PDE4D: variants seen among roughly 807,000 people sequenced by gnomAD.
PDE4D encodes phosphodiesterase 4D.
In PDE4D, 24 loss-of-function variants were observed where a neutral mutation model predicts 87.4. The ratio of observed to expected loss-of-function variants is 0.27; its 90% confidence interval spans 0.20 to 0.39. The LOEUF (loss-of-function observed/expected upper bound fraction) is 0.39, where lower values mean the gene tolerates loss of function less well. Among genes scored for constraint, PDE4D ranks in the 10% least tolerant of loss-of-function variants. The pLI is 1.00. For missense variants in PDE4D, 714 were observed against 1,041.0 expected (o/e 0.69, Z 4.32); for synonymous variants, 384 against 383.2 (o/e 1.00, Z -0.02).
intron 2 of PDE4D, among the ~76,000 whole-genome samples, chr5:60,001,496 A>G (rs1264913431): frequency 6.6e-6 from 1 of 152,094 alleles, no homozygotes; most frequent in African/African-American, 2.4e-5. Flanking sequence ...AGAAATACTA[A>G]TGTGATTCTT....
chr5:59,877,226 T>C lies in PDE4D; in HGVS notation c.455+15942A>G, dbSNP rs561687441. Among the ~76,000 whole-genome samples the C allele has an allele frequency of 5.9e-5, 9 of 152,112 alleles. No individual in the cohort carries two copies. The South Asian group carries it at 1.9e-3, about 31-fold the overall frequency. ...CTGTTTTGTTTTGCCTGCATGTTCG[T>C]TTGGTTGTTTGTAAGAGGTATATCA... On this transcript the variant is annotated intron_variant, in intron 1 of 14. Coordinates refer to ENST00000340635, the MANE Select transcript of PDE4D (RefSeq NM_001104631.2).
chr5:59,575,840 T>G (rs2153698092), intron 1 of PDE4D, among the ~76,000 whole-genome samples: 1 of 152,212 alleles, frequency 6.6e-6, no homozygotes, highest in East Asian at 1.9e-4. Context: ...CCATCCTGTA[T>G]AAGGTAGGCA....
chr5:60,067,056 C>A (rs1255700473), intron 2 of PDE4D, among the ~76,000 whole-genome samples: 1 of 152,110 alleles, frequency 6.6e-6, no homozygotes, highest in Non-Finnish European at 1.5e-5. Context: ...AAGATAGCAT[C>A]TCTGTCCTCT....
At chr5:58,992,786 T>G (rs1299889851) in intron 7 of PDE4D, among the ~76,000 whole-genome samples, 1 of 152,194 alleles carries the variant, frequency 6.6e-6, no homozygotes, top group Non-Finnish European at 1.5e-5. Flanking sequence ...TAACTATATA[T>G]AACAGCAATT....
intron 1 of PDE4D, among the ~76,000 whole-genome samples, chr5:59,559,112 T>A (rs1287378288): frequency 6.6e-6 from 1 of 152,206 alleles, no homozygotes; most frequent in Non-Finnish European, 1.5e-5. Context: ...AACTGCTTAA[T>A]ATCATTTACT....
At chr5:59,281,652 T>A (rs762993635) in intron 1 of PDE4D, among the ~76,000 whole-genome samples, 12 of 152,168 alleles carry the variant, frequency 7.9e-5, no homozygotes, top group South Asian at 2.1e-4. Flanking sequence ...ATTATCTCCA[T>A]CCATCTCCAG....
At chr5:59,789,054 G>GA (rs1765492499) in intron 1 of PDE4D, among the ~76,000 whole-genome samples, 1 of 152,136 alleles carries the variant, frequency 6.6e-6, no homozygotes, top group Admixed American at 6.6e-5. Flanking sequence ...AGCTTGGTTA[G>GA]GATTTGCCTG....
intron 2 of PDE4D, among the ~76,000 whole-genome samples, chr5:60,074,305 G>T (rs1424103730): frequency 2.0e-5 from 3 of 152,080 alleles, no homozygotes; most frequent in Non-Finnish European, 4.4e-5. Context: ...TCAAAAGTGG[G>T]TTGTTTAGTT....
At chr5:59,129,952 AACTC>A (rs1776042758) in intron 5 of PDE4D, among the ~76,000 whole-genome samples, 1 of 152,218 alleles carries the variant, frequency 6.6e-6, no homozygotes, top group Non-Finnish European at 1.5e-5. Flanking sequence ...ACATAGGAGA[AACTC>A]AATCAAGGAT....
At chr5:60,091,912 A>G (rs1221276041) in intron 2 of PDE4D, among the ~76,000 whole-genome samples, 11 of 150,988 alleles carry the variant, frequency 7.3e-5, no homozygotes, top group African/African-American at 9.7e-5. Flanking sequence ...TTAGCCGGGC[A>G]TGGTGGCGCG....
At chr5:59,452,791 C>T (rs143148024) in intron 1 of PDE4D, among the ~76,000 whole-genome samples, 59 of 152,324 alleles carry the variant, frequency 3.9e-4, no homozygotes, top group Middle Eastern at 3.4e-3. Flanking sequence ...ACATTCATCA[C>T]ATTTAATGTC....
At chr5:60,262,701 T>C (rs1749777314) in intron 1 of PDE4D, 1 of 152,158 alleles carries the variant, frequency 6.6e-6, no homozygotes, top group Admixed American at 6.5e-5. Flanking sequence ...AAACTAGAAA[T>C]CACTTCATAA....
intron 1 of PDE4D, among the ~76,000 whole-genome samples, chr5:59,605,212 T>G (rs1317064900): frequency 6.6e-6 from 1 of 152,146 alleles, no homozygotes; most frequent in Non-Finnish European, 1.5e-5. Context: ...TGTAACTGAC[T>G]TGCTATTTCC....
chr5:60,266,086 A>AGAT (rs1372985494), intron 1 of PDE4D, among the ~76,000 whole-genome samples: 4 of 152,086 alleles, frequency 2.6e-5, no homozygotes, highest in Non-Finnish European at 4.4e-5. Flanking sequence ...GCAGGAAACT[A>AGAT]GATGCAGCGG....
intron 1 of PDE4D, among the ~76,000 whole-genome samples, chr5:59,813,802 C>T (rs1768655853): frequency 6.6e-6 from 1 of 152,170 alleles, no homozygotes; most frequent in South Asian, 2.1e-4. Flanking sequence ...ATAATCTGTT[C>T]TTACCAGTCT....
intron 2 of PDE4D, among the ~76,000 whole-genome samples, chr5:60,128,325 C>T (rs1470025133): frequency 6.6e-6 from 1 of 152,196 alleles, no homozygotes; most frequent in Non-Finnish European, 1.5e-5. Flanking sequence ...AGTGCAGTAT[C>T]ATCTGACCTT....
intron 6 of PDE4D, among the ~76,000 whole-genome samples, chr5:59,010,996 C>G (rs544135080): frequency 6.6e-6 from 1 of 152,228 alleles, no homozygotes; most frequent in South Asian, 2.1e-4. Flanking sequence ...ATTTGCGGTT[C>G]GGCAGCCTCT....
chr5:60,427,211 C>T (rs1187889968), intron 1 of PDE4D, among the ~76,000 whole-genome samples: 2 of 151,956 alleles, frequency 1.3e-5, no homozygotes, highest in African/African-American at 2.4e-5. Context: ...GTTTAGCAAA[C>T]CCCAAGAAGA....
In PDE4D at chr5:59,893,632, C is replaced by T. The variant is rs906037098; in HGVS notation, c.-10G>A. On this transcript the variant is annotated 5_prime_UTR_variant, in exon 1 of 15. Coordinates refer to ENST00000340635, the MANE Select transcript of PDE4D (RefSeq NM_001104631.2). ...TGCCCTCTGCCTCCATCCTGGCTCG[C>T]GGCTCCGCGACCTGCTGCCCAGCCC... 6.1e-6 allele frequency: 9 copies of T among 1,481,874 alleles called. No homozygotes were observed. In the Admixed American group the frequency reaches 1.5e-4, roughly 24 times the overall value. The allele number at this position is 1,481,874 out of a possible 1,614,324, so 91.8% of individuals were successfully genotyped here.
Sources: gnomAD v4.1 joint callset for allele counts (sites outside exome capture counted in the v4.1 genomes callset) on GRCh38, gnomAD v4.1.1 for gene constraint, MANE v1.5 for transcripts, NCBI Gene and HGNC (gene_info 2026-07-23, HGNC 2026-07-21) for gene names.